MTAP: variants seen among roughly 807,000 people sequenced by gnomAD.
MTAP encodes the protein methylthioadenosine phosphorylase.
In MTAP, 33 loss-of-function variants were observed where a neutral mutation model predicts 33.6. That is an observed-to-expected ratio of 0.98 (90% CI 0.74 to 1.31). The LOEUF is 1.31. Ranked by LOEUF, MTAP falls within the 40% of genes most tolerant of loss-of-function variation. The pLI is 0.00. For synonymous variants in MTAP, 148 were observed against 125.7 expected (o/e 1.18, Z -1.19); for missense variants, 367 against 360.0 (o/e 1.02, Z -0.16).
At chr9:21,855,944 A>C (rs898970517) in intron 6 of MTAP, among the ~76,000 whole-genome samples, 1 of 152,244 alleles carries the variant, frequency 6.6e-6, no homozygotes, top group Non-Finnish European at 1.5e-5. Flanking sequence ...TCTTAATATA[A>C]TCAAATATTC....
In MTAP at chr9:21,822,485, G is replaced by C. The variant is rs1389233234; in HGVS notation, c.347+4283G>C. On this transcript the variant is annotated intron_variant, in intron 4 of 7. Coordinates refer to ENST00000644715, the MANE Select transcript of MTAP (RefSeq NM_002451.4). Reference sequence around the variant, plus strand: ...TGAGTTCTAGTTTGATTGCACTGTGGTCTGAGAGATAGTTTGTTATAATTT... The same window carrying C: ...TGAGTTCTAGTTTGATTGCACTGTGCTCTGAGAGATAGTTTGTTATAATTT... Among the ~76,000 whole-genome samples, 6 of 152,228 alleles carry C rather than the reference G, an allele frequency of 3.9e-5. No homozygotes were observed. The East Asian group carries it at 1.2e-3, about 29-fold the overall frequency.
In MTAP at chr9:21,905,753, A is replaced by G. The variant is rs1366281746; in HGVS notation, c.148-25255A>G. On this transcript the variant is annotated intron_variant, in intron 1 of 1. Transcript: ENST00000577563. ...GGTTATACCTGCTGCTCCCTGATGG[A>G]GACAAGACTTTCTGAGACTAAGAAA... Among the ~76,000 whole-genome samples, 6 of 152,158 alleles carry G rather than the reference A, an allele frequency of 3.9e-5. 1 individual carries two copies. The highest frequency in any genetic ancestry group is 8.8e-5 in the Non-Finnish European group (6 of 68,020).
intron 1 of MTAP, among the ~76,000 whole-genome samples, chr9:21,914,419 T>G (rs200703136): frequency 6.6e-6 from 1 of 152,082 alleles, no homozygotes; most frequent in Non-Finnish European, 1.5e-5. Flanking sequence ...AAGAAAATGT[T>G]GTACATATAC....
chr9:21,818,295 G>T, intron 4 of MTAP, 93 bp downstream of exon 4: 1 of 1,058,556 alleles, frequency 9.4e-7, no homozygotes, highest in East Asian at 2.7e-5. Flanking sequence ...CAACTGGGAG[G>T]GCAGTGCCAC....
intron 4 of MTAP, among the ~76,000 whole-genome samples, chr9:21,820,214 C>A (rs566735889): frequency 1.3e-5 from 2 of 152,100 alleles, no homozygotes; most frequent in Non-Finnish European, 2.9e-5. Context: ...TGAAGTCCTT[C>A]CCCATGCCTA....
chr9:21,869,257 G>C (rs566466852), downstream of MTAP, among the ~76,000 whole-genome samples: 1 of 152,084 alleles, frequency 6.6e-6, no homozygotes, highest in South Asian at 2.1e-4. Flanking sequence ...CTTCATTTCA[G>C]ATTTTGCCAG....
At chr9:21,924,873 G>A (rs919508271) in intron 1 of MTAP, among the ~76,000 whole-genome samples, 2 of 152,196 alleles carry the variant, frequency 1.3e-5, no homozygotes, top group African/African-American at 2.4e-5. Flanking sequence ...AGTTTATGGA[G>A]GATCCTGACA....
intron 1 of MTAP, chr9:21,803,017 C>CACACACACACACACACACACACACAG (rs1160457699): frequency 9.9e-6 from 11 of 1,108,892 alleles, no homozygotes; most frequent in Non-Finnish European, 1.3e-5. Flanking sequence ...CACACACACA[C>CACACACACACACACACACACACACAG]ACACACACAC....
chr9:21,909,135 T>A (rs541560936), intron 1 of MTAP, among the ~76,000 whole-genome samples: 1 of 152,108 alleles, frequency 6.6e-6, no homozygotes, highest in Non-Finnish European at 1.5e-5. Flanking sequence ...TTTAGAAAAA[T>A]TCCTTTAGCC....
chr9:21,927,244 G>T (rs1024407930), intron 1 of MTAP, among the ~76,000 whole-genome samples: 17 of 152,180 alleles, frequency 1.1e-4, no homozygotes, highest in African/African-American at 4.1e-4. Context: ...AAAGAACCTA[G>T]ACCCAGTAGT....
chr9:21,896,147 G>C (rs1818288615), intron 1 of MTAP, among the ~76,000 whole-genome samples: 1 of 152,168 alleles, frequency 6.6e-6, no homozygotes, highest in Non-Finnish European at 1.5e-5. Context: ...TGAACAACCT[G>C]CTCCTGAATG....
At chr9:21,817,906 G>A in intron 3 of MTAP, 129 bp from the exon 4 acceptor site, 5 of 866,244 alleles carry the variant, frequency 5.8e-6, no homozygotes, top group Non-Finnish European at 8.4e-6. Context: ...ACTGGACTGG[G>A]TTCTAGGAGA....
At position 21,802,735 on chromosome 9, in the gene MTAP, T is replaced by A; in HGVS notation, c.-14T>A. ...CGAGCGCTCGCCCACTGCAGATTCC[T>A]TTCCCGTGCAGACATGGCCTCTGGC... is the stretch of plus-strand genomic sequence containing the variant. On this transcript the variant is annotated 5_prime_UTR_variant, in exon 1 of 8. Transcript: ENST00000644715. 1 of 1,612,914 alleles carries A rather than the reference T, an allele frequency of 6.2e-7. No homozygotes were observed. The highest frequency in any genetic ancestry group is 8.5e-7 in the Non-Finnish European group (1 of 1,179,790).
chr9:21,917,850 G>A (rs375063249), intron 1 of MTAP, among the ~76,000 whole-genome samples: 1 of 152,098 alleles, frequency 6.6e-6, no homozygotes, highest in African/African-American at 2.4e-5. Flanking sequence ...AGTGCCCATC[G>A]ACCGAGTTGA....
chr9:21,858,680 A>G (rs1295265344), intron 6 of MTAP, among the ~76,000 whole-genome samples: 1 of 152,182 alleles, frequency 6.6e-6, no homozygotes, highest in Non-Finnish European at 1.5e-5. Context: ...ACCTCCCACA[A>G]TTCGACATGA....
chr9:21,930,037 G>T, intron 1 of MTAP: 2 of 410,740 alleles, frequency 4.9e-6, no homozygotes. Context: ...AGTTTTGCCA[G>T]CAATGCCCAA....
intron 1 of MTAP, among the ~76,000 whole-genome samples, chr9:21,897,410 G>T (rs1006469227): frequency 1.4e-4 from 22 of 152,162 alleles, no homozygotes; most frequent in African/African-American, 5.1e-4. Flanking sequence ...GAAATAAAGG[G>T]TATCCAATGA....
intron 1 of MTAP, among the ~76,000 whole-genome samples, chr9:21,883,132 AAAAC>A (rs1338725605): frequency 2.0e-5 from 3 of 152,036 alleles, no homozygotes; most frequent in African/African-American, 7.2e-5. Flanking sequence ...ACTGAAAAAA[AAAAC>A]AAAAACTGGT....
chr9:21,831,013 A>C (rs1172286528), intron 4 of MTAP, among the ~76,000 whole-genome samples: 1 of 152,190 alleles, frequency 6.6e-6, no homozygotes, highest in Non-Finnish European at 1.5e-5. Flanking sequence ...GCTTTATTCA[A>C]GTCATGAGGC....
Sources: gnomAD v4.1 joint callset for allele counts (sites outside exome capture counted in the v4.1 genomes callset) on GRCh38, gnomAD v4.1.1 for gene constraint, MANE v1.5 for transcripts, NCBI Gene and HGNC (gene_info 2026-07-23, HGNC 2026-07-21) for gene names.